DPRX: variants seen among roughly 807,000 people sequenced by gnomAD.
The protein encoded by DPRX is divergent-paired related homeobox, also known as divergent paired-related homeobox.
DPRX carries 11 observed loss-of-function variants against 8.4 expected under a neutral mutation model. The observed-to-expected ratio is 1.31, with a 90% CI of 0.82 to 2.17. The LOEUF (loss-of-function observed/expected upper bound fraction) is 2.17. Among genes scored for constraint, DPRX ranks in the 30% most tolerant of loss-of-function variants. The pLI is 0.00. For missense variants in DPRX, 211 were observed against 236.7 expected, an observed-to-expected ratio of 0.89 and a Z score of 0.71; for synonymous variants, 72 against 87.0, an observed-to-expected ratio of 0.83 and a Z score of 0.96.
chr19:53,631,810 G>A (rs1295311729), upstream of DPRX, among the ~76,000 whole-genome samples: 1 of 152,076 alleles, frequency 6.6e-6, no homozygotes, highest in Admixed American at 6.6e-5. Context: ...CAGGAAGTCT[G>A]GAGTGGGCCA....
the DPRX span, chr19:53,601,139 C>T: frequency 2.5e-6 from 1 of 402,372 alleles, no homozygotes; most frequent in Non-Finnish European, 5.0e-6. Context: ...GCCTTCATCT[C>T]CTGAGTAGCT....
At chr19:53,618,092 A>G in the DPRX span, among the ~76,000 whole-genome samples, 3 of 151,298 alleles carry the variant, frequency 2.0e-5, no homozygotes, top group Non-Finnish European at 4.4e-5. Flanking sequence ...CAGTGAGCCT[A>G]GATCGCTGCC....
the DPRX span, among the ~76,000 whole-genome samples, chr19:53,608,823 C>T: frequency 6.6e-5 from 10 of 151,408 alleles, no homozygotes; most frequent in South Asian, 6.3e-4. Flanking sequence ...GGCATGGTGG[C>T]GGGCGCCTGT....
At chr19:53,629,033 G>A (rs1031421362), upstream of DPRX, among the ~76,000 whole-genome samples, 1 of 151,898 alleles carries the variant, frequency 6.6e-6, no homozygotes, top group African/African-American at 2.4e-5. Context: ...TGTAAAAGGG[G>A]CTTGGCGCAG....
At chr19:53,631,181 C>G (rs1424286693), upstream of DPRX, among the ~76,000 whole-genome samples, 1 of 151,238 alleles carries the variant, frequency 6.6e-6, no homozygotes, top group East Asian at 2.0e-4. Context: ...ATCCCAGCTA[C>G]TGGGAAGGCT....
intron 1 of DPRX, among the ~76,000 whole-genome samples, chr19:53,633,122 G>A (rs902992875): frequency 2.2e-5 from 3 of 135,732 alleles, no homozygotes; most frequent in African/African-American, 8.2e-5. Context: ...AAAACAAGAC[G>A]TTGTCTCTAC....
chr19:53,621,586 A>G, the DPRX span, among the ~76,000 whole-genome samples: 1 of 152,098 alleles, frequency 6.6e-6, no homozygotes, highest in South Asian at 2.1e-4. Flanking sequence ...ACTTTAGGTC[A>G]GGAGTTCCAG....
At chr19:53,610,655 T>C in the DPRX span, among the ~76,000 whole-genome samples, 8 of 152,318 alleles carry the variant, frequency 5.3e-5, no homozygotes, top group African/African-American at 1.7e-4. Flanking sequence ...CAGCGGCCCA[T>C]AGGCTGCCTG....
chr19:53,616,724 A>G, the DPRX span: 1 of 1,228,744 alleles, frequency 8.1e-7, no homozygotes. Flanking sequence ...ATTGCATTCC[A>G]GCCTGGGCAA....
At chr19:53,614,823 G>T in the DPRX span, among the ~76,000 whole-genome samples, 1 of 151,768 alleles carries the variant, frequency 6.6e-6, no homozygotes, top group Non-Finnish European at 1.5e-5. Context: ...ATTAGGTAGG[G>T]TTAAGATCAT....
the DPRX span, among the ~76,000 whole-genome samples, chr19:53,601,704 A>G: frequency 1.3e-5 from 2 of 151,748 alleles, no homozygotes; most frequent in Admixed American, 1.3e-4. Flanking sequence ...CTGGTCCCGA[A>G]CTCCTCGCCT....
chr19:53,631,261 A>G (rs1398363458), upstream of DPRX, among the ~76,000 whole-genome samples: 2 of 151,840 alleles, frequency 1.3e-5, no homozygotes, highest in Non-Finnish European at 2.9e-5. Flanking sequence ...ACTGCACTCC[A>G]GCCTGGGTGA....
At chr19:53,628,261 G>T (rs776377727), upstream of DPRX, among the ~76,000 whole-genome samples, 1 of 152,090 alleles carries the variant, frequency 6.6e-6, no homozygotes, top group Non-Finnish European at 1.5e-5. Flanking sequence ...AACACAGTGA[G>T]ACCTTGTCTC....
At chr19:53,602,535 ATT>A in the DPRX span, among the ~76,000 whole-genome samples, 1,106 of 124,076 alleles carry the variant, frequency 8.9e-3, 14 homozygotes, top group African/African-American at 0.029. Context: ...AATTTTTTGT[ATT>A]TTTTTTTTTT....
the DPRX span, among the ~76,000 whole-genome samples, chr19:53,617,577 A>AG: frequency 1.8e-4 from 15 of 85,358 alleles, no homozygotes; most frequent in South Asian, 1.8e-3. Flanking sequence ...AAAAAAAAAG[A>AG]AAAAAAAAAA....
At chr19:53,601,720 G>C in the DPRX span, among the ~76,000 whole-genome samples, 13 of 152,158 alleles carry the variant, frequency 8.5e-5, no homozygotes, top group East Asian at 2.3e-3. Context: ...CGCCTCAAGT[G>C]ATCCACCCGC....
chr19:53,630,297 T>C (rs1298976815), upstream of DPRX, among the ~76,000 whole-genome samples: 1 of 149,678 alleles, frequency 6.7e-6, no homozygotes, highest in Non-Finnish European at 1.5e-5. Flanking sequence ...ACAGACTGCC[T>C]CTTACTAATC....
chr19:53,626,089 A>G, the DPRX span, among the ~76,000 whole-genome samples: 1 of 151,478 alleles, frequency 6.6e-6, no homozygotes, highest in Non-Finnish European at 1.5e-5. Flanking sequence ...GGCACGTGCC[A>G]CCAAACCCAG....
upstream of DPRX, among the ~76,000 whole-genome samples, chr19:53,631,616 CA>C (rs2091093121): frequency 6.6e-6 from 1 of 151,926 alleles, no homozygotes; most frequent in South Asian, 2.1e-4. Context: ...AAAAATTAGT[CA>C]GGAGTGGTGG....
Sources: allele counts gnomAD v4.1 joint callset (sites outside exome capture counted in the v4.1 genomes callset), GRCh38; gene constraint gnomAD v4.1.1; transcripts MANE v1.5; gene names NCBI Gene and HGNC (gene_info 2026-07-23, HGNC 2026-07-21).